Variants in CNR2 observed in about 807,000 individuals in gnomAD.
CNR2 encodes cannabinoid receptor 2 (macrophage).
For missense variants in CNR2, 379 were observed against 439.9 expected (o/e 0.86, Z 1.24); for synonymous variants, 172 against 182.2 (o/e 0.94, Z 0.45).
rs142961694 is a variant in CNR2, at chr1:23,883,871, A to C, written c.-45-8209T>G. 1.7e-4 allele frequency among the ~76,000 whole-genome samples: 23 copies of C among 137,796 alleles called. No homozygotes were observed. The East Asian group carries it at 4.3e-3, about 26-fold the overall frequency. The allele number at this position is 137,796 out of a possible 152,430, so 90.4% of individuals were successfully genotyped here. ...AAAAACAAAAACAAAAAAACCCCCC[A>C]CAGTGTTGGGCCAATCCCTTGTAAA... On this transcript the variant is annotated intron_variant, in intron 1 of 1. Transcript: ENST00000374472.
rs769681479 is a variant in CNR2 at position 23,875,352 on chromosome 1, C to T, written c.266G>A (p.Cys89Tyr). 3 of 1,614,092 alleles carry T rather than the reference C, an allele frequency of 1.9e-6. No homozygotes were observed. The highest frequency in any genetic ancestry group is 2.5e-6 in the Non-Finnish European group (3 of 1,180,048). Residue 89 changes from cysteine (C) to tyrosine (Y), a missense_variant, in exon 2 of 2, where the codon TGC becomes TAC. Transcript: ENST00000374472. ...ADFLASVVFA[C>Y]SFVNFHVFHG... ...GAAAACATGGAAATTCACAAAGCTG[C>T]ATGCAAAGACCACACTGGCCAGGAA...
At chr1:23,905,471 C>A (rs981919048) in intron 1 of CNR2, among the ~76,000 whole-genome samples, 2 of 150,874 alleles carry the variant, frequency 1.3e-5, no homozygotes, top group African/African-American at 4.9e-5. Context: ...TGAGCCACCG[C>A]GCCCAGCCAT....
intron 1 of CNR2, among the ~76,000 whole-genome samples, chr1:23,876,834 CAAAAAAA>C (rs72220399): frequency 1.2e-4 from 15 of 120,252 alleles, no homozygotes; most frequent in Non-Finnish European, 1.4e-4. Flanking sequence ...GACTCTGTCT[CAAAAAAA>C]AAAAAAAAAA....
intron 1 of CNR2, among the ~76,000 whole-genome samples, chr1:23,909,248 C>A (rs567138242): frequency 1.3e-5 from 2 of 152,230 alleles, no homozygotes; most frequent in South Asian, 4.1e-4. Flanking sequence ...CATTTGAGGT[C>A]TTTGCTGCAT....
At chr1:23,892,074 A>T (rs2148465188) in intron 1 of CNR2, among the ~76,000 whole-genome samples, 1 of 152,282 alleles carries the variant, frequency 6.6e-6, no homozygotes, top group South Asian at 2.1e-4. Flanking sequence ...GAGCCTGACC[A>T]TATTTCTCAC....
chr1:23,885,042 C>T (rs1640063223), intron 1 of CNR2, among the ~76,000 whole-genome samples: 1 of 152,052 alleles, frequency 6.6e-6, no homozygotes, highest in East Asian at 1.9e-4. Flanking sequence ...CCTCGTGATC[C>T]ACCCACCTCG....
intron 1 of CNR2, among the ~76,000 whole-genome samples, chr1:23,876,999 A>T (rs1484648054): frequency 6.6e-6 from 1 of 152,214 alleles, no homozygotes; most frequent in African/African-American, 2.4e-5. Flanking sequence ...TCACTTTCTA[A>T]ACAGGTTGTA....
At position 23,873,872 on chromosome 1, in the gene CNR2, T is replaced by C. The variant is rs1639810437; in HGVS notation, c.*663A>G. 6.6e-6 allele frequency: 1 copy of C among 152,222 alleles called. No homozygotes were observed. Among genetic ancestry groups the C allele is most frequent in the Non-Finnish European group, 1.5e-5 (1 of 68,046 alleles). 9.4% of individuals were successfully genotyped at this position (152,222 alleles called of 1,614,324 possible). ...CCAAAGATTTTTGTGTCTCAGGCGA[T>C]CCCAGCCTCCTCTGTATTTCCAGGG... On this transcript the variant is annotated 3_prime_UTR_variant, in exon 2 of 2. Transcript: ENST00000374472.
At chr1:23,902,731 G>A in intron 1 of CNR2, 1 of 1,566,872 alleles carries the variant, frequency 6.4e-7, no homozygotes, top group Non-Finnish European at 8.6e-7. Flanking sequence ...CTCTCGCGCA[G>A]CGTGGGGGAC....
At chr1:23,878,557 T>G (rs1355236371) in intron 1 of CNR2, among the ~76,000 whole-genome samples, 2 of 152,082 alleles carry the variant, frequency 1.3e-5, no homozygotes, top group African/African-American at 4.8e-5. Context: ...TTTTTGTATT[T>G]TTAGTAGAAA....
chr1:23,886,529 G>A (rs528479432), intron 1 of CNR2, among the ~76,000 whole-genome samples: 24 of 152,286 alleles, frequency 1.6e-4, no homozygotes, highest in African/African-American at 4.6e-4. Context: ...TGGCCATGCC[G>A]GGGCTAGGTG....
rs1295775110 is a variant in CNR2, at chr1:23,871,480, T to C, written c.*3055A>G. 6.6e-6 allele frequency: 1 copy of C among 152,230 alleles called. No individual in the cohort carries two copies. The highest frequency in any genetic ancestry group is 1.9e-4 in the East Asian group (1 of 5,204). The allele number at this position is 152,230 out of a possible 1,614,324, so 9.4% of individuals were successfully genotyped here. A position where few individuals can be genotyped will look rare whatever the true frequency, so the allele number is the denominator to read the frequency against. On this transcript the variant is annotated 3_prime_UTR_variant, in exon 2 of 2. Coordinates refer to ENST00000374472, the MANE Select transcript of CNR2 (RefSeq NM_001841.3). ...GTCTGGATTAAAACAAGATTTGATT[T>C]TCCAAAACATACGTCAGAGCTTTTC...
At chr1:23,902,323 G>A (rs1277778825) in intron 1 of CNR2, 2 of 1,553,898 alleles carry the variant, frequency 1.3e-6, no homozygotes, top group East Asian at 2.3e-5. Context: ...CAGCAGCGCT[G>A]GGTCAGGTCG....
At chr1:23,887,941 T>C (rs1640119468) in intron 1 of CNR2, among the ~76,000 whole-genome samples, 1 of 152,208 alleles carries the variant, frequency 6.6e-6, no homozygotes, top group Admixed American at 6.5e-5. Context: ...AAACTCCTGC[T>C]TCTTTCTCCC....
At chr1:23,878,030 G>GA (rs1639918992) in intron 1 of CNR2, among the ~76,000 whole-genome samples, 1 of 152,074 alleles carries the variant, frequency 6.6e-6, no homozygotes, top group Non-Finnish European at 1.5e-5. Context: ...TAAAGTGATG[G>GA]AAAACAAGAA....
chr1:23,905,041 T>G (rs995386644), intron 1 of CNR2, among the ~76,000 whole-genome samples: 32 of 152,166 alleles, frequency 2.1e-4, no homozygotes, highest in African/African-American at 7.5e-4. Flanking sequence ...CAGGGGAGTT[T>G]GTGAAGCGAT....
At position 23,871,849 on chromosome 1, in the gene CNR2, C is replaced by T. The variant is rs1639769321; in HGVS notation, c.*2686G>A. ...GACTGATATTCTTTAAAAAAGACAC[C>T]AGGCCGGGTATGGTGGCTCACGTCT... is the stretch of plus-strand genomic sequence containing the variant. On this transcript the variant is annotated 3_prime_UTR_variant, in exon 2 of 2. Transcript: ENST00000374472. 1 of 151,850 alleles carries T rather than the reference C, an allele frequency of 6.6e-6. No homozygotes were observed. The highest frequency in any genetic ancestry group is 1.5e-5 in the Non-Finnish European group (1 of 67,982). The allele number at this position is 151,850 out of a possible 1,614,324, so 9.4% of individuals were successfully genotyped here.
At chr1:23,898,601 A>G (rs1239076285) in intron 1 of CNR2, among the ~76,000 whole-genome samples, 1 of 9,234 alleles carries the variant, frequency 1.1e-4, no homozygotes, top group Admixed American at 1.4e-3. Flanking sequence ...TCAGCCTCCC[A>G]AAGTGCTGGG....
chr1:23,874,545 G>A lies in CNR2; in HGVS notation c.1073C>T (p.Ser358Phe). 5 of 1,611,828 alleles carry A rather than the reference G, an allele frequency of 3.1e-6. No homozygotes were observed. The South Asian group carries it at 5.5e-5, about 18-fold the overall frequency. ...TGGGAAGAGGCCTCATCAGCAATCA[G>A]AGAGGTCTAGATCTCTGGAATCTGG... is the stretch of plus-strand genomic sequence containing the variant. ...PWPDSRDLDL[S>F]DC Residue 358 changes from serine to phenylalanine, a missense_variant, in exon 2 of 2, where the codon TCT (serine) becomes TTT (phenylalanine). Physicochemically the swap from Ser to Phe is radical, Grantham distance 155. Coordinates refer to ENST00000374472, the MANE Select transcript of CNR2 (RefSeq NM_001841.3).
Sources: gnomAD v4.1 joint callset for allele counts (sites outside exome capture counted in the v4.1 genomes callset) on GRCh38, gnomAD v4.1.1 for gene constraint, MANE v1.5 for transcripts, NCBI Gene and HGNC (gene_info 2026-07-23, HGNC 2026-07-21) for gene names.